CD47: variants seen among roughly 807,000 people sequenced by gnomAD.
The protein encoded by CD47 is CD47 molecule.
Under a neutral mutation model 44.6 loss-of-function variants are expected in CD47, and 11 were observed. That is an observed-to-expected ratio of 0.25 (90% CI 0.16 to 0.41). The LOEUF is 0.41. CD47 is among the 10% of genes least tolerant of loss of function. The probability of loss-of-function intolerance (pLI) is 1.00; values close to 1 mark genes in which losing one functional copy is unlikely to be tolerated. For missense variants in CD47, 306 were observed against 386.7 expected (o/e 0.79, Z 1.75); for synonymous variants, 140 against 136.3 (o/e 1.03, Z -0.19).
chr3:108,063,320 G>A (rs540792158), intron 3 of CD47, among the ~76,000 whole-genome samples: 6 of 152,196 alleles, frequency 3.9e-5, no homozygotes, highest in Admixed American at 3.3e-4. Context: ...TCTGGATAAC[G>A]GACACTCCAC....
At chr3:108,088,628 A>C (rs2079566913) in intron 1 of CD47, among the ~76,000 whole-genome samples, 1 of 152,138 alleles carries the variant, frequency 6.6e-6, no homozygotes, top group Non-Finnish European at 1.5e-5. Flanking sequence ...TGATTTAAAA[A>C]AAAAAACAAC....
intron 2 of CD47, among the ~76,000 whole-genome samples, chr3:108,072,352 T>A (rs1440612549): frequency 1.3e-5 from 2 of 152,226 alleles, no homozygotes; most frequent in African/African-American, 4.8e-5. Flanking sequence ...TCCATAATGA[T>A]AGCCACATAT....
chr3:108,068,590 T>C (rs2079143623), intron 3 of CD47, among the ~76,000 whole-genome samples: 1 of 152,202 alleles, frequency 6.6e-6, no homozygotes, highest in African/African-American at 2.4e-5. Flanking sequence ...TAAACAGTAC[T>C]AGTTCAAATC....
chr3:108,084,328 T>C (rs889427611), intron 1 of CD47, among the ~76,000 whole-genome samples: 2 of 152,026 alleles, frequency 1.3e-5, no homozygotes, highest in Non-Finnish European at 2.9e-5. Context: ...GGGCAGTCTC[T>C]TTCTTGCTCT....
chr3:108,049,107 TCTCTCTCTC>T (rs2078776298), intron 10 of CD47, among the ~76,000 whole-genome samples: 1 of 47,494 alleles, frequency 2.1e-5, no homozygotes, highest in Non-Finnish European at 3.9e-5. Flanking sequence ...TCTCTCTCTC[TCTCTCTCTC>T]TCTCTCTCTC....
intron 2 of CD47, among the ~76,000 whole-genome samples, chr3:108,072,621 C>T (rs2079226593): frequency 6.6e-6 from 1 of 152,080 alleles, no homozygotes; most frequent in Non-Finnish European, 1.5e-5. Flanking sequence ...TTTTTGGATA[C>T]TCCAAATCAA....
intron 3 of CD47, among the ~76,000 whole-genome samples, chr3:108,064,177 A>G (rs1274064969): frequency 6.6e-6 from 1 of 152,188 alleles, no homozygotes; most frequent in African/African-American, 2.4e-5. Context: ...CTATATGACT[A>G]TCACTATTCT....
chr3:108,068,488 C>G, intron 3 of CD47, among the ~76,000 whole-genome samples: 1 of 152,166 alleles, frequency 6.6e-6, no homozygotes, highest in East Asian at 1.9e-4. Context: ...GTTTTAGCTA[C>G]TCAGTATTAT....
intron 6 of CD47, 49 bp from the exon 7 acceptor site, chr3:108,057,618 T>A: frequency 1.0e-6 from 1 of 955,572 alleles, no homozygotes; most frequent in Admixed American, 2.0e-5. Flanking sequence ...TGAAATAACT[T>A]ACTAAAAAAC....
intron 3 of CD47, among the ~76,000 whole-genome samples, chr3:108,069,360 C>T (rs754339492): frequency 2.0e-5 from 3 of 151,592 alleles, no homozygotes; most frequent in African/African-American, 2.4e-5. Context: ...AACATCAGAA[C>T]GTACAAGCAT....
intron 1 of CD47, among the ~76,000 whole-genome samples, chr3:108,086,814 A>C (rs1382207960): frequency 6.6e-6 from 1 of 152,154 alleles, no homozygotes; most frequent in African/African-American, 2.4e-5. Context: ...GGAGAGGGAA[A>C]GATCTAAGAT....
rs906973604 is a variant in CD47, at chr3:108,043,824, A to T, written c.*3464T>A. ...GAGAAAGCTGGTCTTCAATGATCTTAATTAAGAACTGTCAAAGCTAAAGGC... is the reference window on the plus strand; with the variant it reads ...GAGAAAGCTGGTCTTCAATGATCTTTATTAAGAACTGTCAAAGCTAAAGGC... On this transcript the variant is annotated 3_prime_UTR_variant, in exon 11 of 11. Coordinates refer to ENST00000361309, the MANE Select transcript of CD47 (RefSeq NM_001777.4). 6.6e-6 allele frequency: 1 copy of T among 152,560 alleles called. No homozygotes were observed. The highest frequency in any genetic ancestry group is 6.5e-5 in the Admixed American group (1 of 15,282). The allele number at this position is 152,560 out of a possible 1,614,324, so 9.5% of individuals were successfully genotyped here.
At chr3:108,079,256 C>A (rs2079367628) in intron 2 of CD47, among the ~76,000 whole-genome samples, 1 of 151,856 alleles carries the variant, frequency 6.6e-6, no homozygotes, top group South Asian at 2.1e-4. Context: ...TCAGCTAGCA[C>A]AGCAGGAAAC....
At chr3:108,073,494 G>A (rs556241201) in intron 2 of CD47, among the ~76,000 whole-genome samples, 1 of 152,114 alleles carries the variant, frequency 6.6e-6, no homozygotes, top group Non-Finnish European at 1.5e-5. Flanking sequence ...GGAGAGGAAC[G>A]AAACTAAGCC....
intron 5 of CD47, among the ~76,000 whole-genome samples, chr3:108,058,797 T>C (rs2078961893): frequency 6.6e-6 from 1 of 152,202 alleles, no homozygotes; most frequent in Non-Finnish European, 1.5e-5. Context: ...TGCAAATACC[T>C]GACTGTAAAC....
At chr3:108,048,486 G>A (rs2078761740) in intron 10 of CD47, among the ~76,000 whole-genome samples, 1 of 140,688 alleles carries the variant, frequency 7.1e-6, no homozygotes, top group South Asian at 2.4e-4. Flanking sequence ...CCGGGTTCAC[G>A]CCATTCTCCT....
At chr3:108,079,136 CTA>C (rs1324003948) in intron 2 of CD47, among the ~76,000 whole-genome samples, 1 of 151,920 alleles carries the variant, frequency 6.6e-6, no homozygotes, top group Non-Finnish European at 1.5e-5. Flanking sequence ...CTGAACCTAT[CTA>C]GAGTTAAGGT....
chr3:108,055,798 G>T (rs1308801532), intron 7 of CD47, among the ~76,000 whole-genome samples: 3 of 152,140 alleles, frequency 2.0e-5, no homozygotes, highest in African/African-American at 7.2e-5. Context: ...TGGTTTCACA[G>T]GCTTGGAGGA....
chr3:108,060,306 G>A (rs1365796986), intron 4 of CD47, among the ~76,000 whole-genome samples: 4 of 152,188 alleles, frequency 2.6e-5, no homozygotes, highest in Non-Finnish European at 5.9e-5. Context: ...CTGAAAGGAG[G>A]AGCTTACCCT....
Sources: gnomAD v4.1 joint callset for allele counts (sites outside exome capture counted in the v4.1 genomes callset) on GRCh38, gnomAD v4.1.1 for gene constraint, MANE v1.5 for transcripts, NCBI Gene and HGNC (gene_info 2026-07-23, HGNC 2026-07-21) for gene names.